Variants in FSHR observed in about 807,000 individuals in gnomAD.
The protein encoded by FSHR is follicle-stimulating hormone receptor.
FSHR carries 46 observed loss-of-function variants against 52.1 expected under a neutral mutation model. The ratio of observed to expected loss-of-function variants is 0.88; its 90% CI spans 0.70 to 1.13. FSHR has a LOEUF of 1.13. FSHR is among the 50% of genes most tolerant of loss of function. The pLI is 0.00. For synonymous variants in FSHR, 399 were observed against 309.6 expected (o/e 1.29, Z -3.03); for missense variants, 964 against 834.6 (o/e 1.16, Z -1.91).
intron 4 of FSHR, chr2:48,997,196 T>A: frequency 2.0e-6 from 2 of 981,588 alleles, no homozygotes; most frequent in Non-Finnish European, 2.4e-6. Context: ...GAGTCTCAGT[T>A]TCTCTCTGTA....
intron 2 of FSHR, among the ~76,000 whole-genome samples, chr2:49,020,818 C>CA (rs1013521615): frequency 1.1e-4 from 16 of 152,154 alleles, no homozygotes; most frequent in African/African-American, 3.9e-4. Flanking sequence ...TTGTTGGCCC[C>CA]ATTAATGTCT....
intron 1 of FSHR, among the ~76,000 whole-genome samples, chr2:49,101,793 G>A (rs1671036946): frequency 6.6e-6 from 1 of 152,128 alleles, no homozygotes; most frequent in Non-Finnish European, 1.5e-5. Context: ...ACATTTATGG[G>A]GTCTGAGAAG....
chr2:49,110,680 A>G (rs1285639774), intron 1 of FSHR, among the ~76,000 whole-genome samples: 1 of 151,994 alleles, frequency 6.6e-6, no homozygotes, highest in East Asian at 1.9e-4. Flanking sequence ...CTGTTAGTCA[A>G]TTTTTCACAA....
chr2:49,118,870 G>A (rs1372406518), intron 1 of FSHR, among the ~76,000 whole-genome samples: 1 of 152,204 alleles, frequency 6.6e-6, no homozygotes, highest in East Asian at 1.9e-4. Flanking sequence ...AACCCATAAA[G>A]AGCCAAAAAC....
At chr2:49,035,552 C>T (rs1668244387) in intron 2 of FSHR, among the ~76,000 whole-genome samples, 1 of 152,306 alleles carries the variant, frequency 6.6e-6, no homozygotes, top group African/African-American at 2.4e-5. Flanking sequence ...CCCTAAGTGG[C>T]ATTTAAGGCT....
intron 1 of FSHR, among the ~76,000 whole-genome samples, chr2:49,097,708 A>G (rs980984356): frequency 2.0e-5 from 3 of 152,210 alleles, no homozygotes; most frequent in Admixed American, 6.5e-5. Context: ...TGTGAGAGGT[A>G]CTGGTTTCTG....
rs1036854134 is a variant in FSHR at position 49,020,289 on chromosome 2, G to A, written c.225-129C>T. ...ACAAAACTCCTTTCCTGCCATTAAA[G>A]AAGTCAGCTGTAGTAATAAGGCAAA... On this transcript the variant is annotated intron_variant, in intron 2 of 9. Transcript: ENST00000406846. 3.1e-5 allele frequency: 25 copies of A among 802,528 alleles called. No individual in the cohort carries two copies. The Middle Eastern group carries it at 1.0e-3, about 34-fold the overall frequency. The allele number at this position is 802,528 out of a possible 1,614,324, so 49.7% of individuals were successfully genotyped here. A position where few individuals can be genotyped will look rare whatever the true frequency, so the allele number is the denominator to read the frequency against.
intron 1 of FSHR, among the ~76,000 whole-genome samples, chr2:49,092,833 T>G (rs1670662780): frequency 6.6e-6 from 1 of 151,960 alleles, no homozygotes; most frequent in Non-Finnish European, 1.5e-5. Context: ...GCGCAGCTAT[T>G]TTTTCTATTT....
At chr2:49,006,677 TCTCA>T (rs1417454451) in intron 4 of FSHR, among the ~76,000 whole-genome samples, 2 of 152,134 alleles carry the variant, frequency 1.3e-5, no homozygotes, top group East Asian at 1.9e-4. Context: ...GGGTCAGTCT[TCTCA>T]CTCAGGATCA....
chr2:49,134,222 G>GA (rs1270748798), intron 1 of FSHR, among the ~76,000 whole-genome samples: 3 of 151,970 alleles, frequency 2.0e-5, no homozygotes, highest in African/African-American at 4.8e-5. Context: ...AAATTTACAA[G>GA]AAAAAATCAA....
chr2:49,109,599 T>C (rs1348404137), intron 1 of FSHR, among the ~76,000 whole-genome samples: 1 of 152,104 alleles, frequency 6.6e-6, no homozygotes, highest in Non-Finnish European at 1.5e-5. Flanking sequence ...GGGCATCTCC[T>C]GTTTTAGCTA....
chr2:49,126,529 A>T (rs1672002769), intron 1 of FSHR, among the ~76,000 whole-genome samples: 1 of 152,196 alleles, frequency 6.6e-6, no homozygotes. Context: ...TGGGGGACAT[A>T]TTCAAGTAAT....
At chr2:48,992,838 A>G (rs1675847953) in intron 4 of FSHR, among the ~76,000 whole-genome samples, 1 of 152,006 alleles carries the variant, frequency 6.6e-6, no homozygotes, top group African/African-American at 2.4e-5. Flanking sequence ...CTCATATCCC[A>G]TCGATCTTCA....
intron 1 of FSHR, among the ~76,000 whole-genome samples, chr2:49,081,506 A>T (rs1399058268): frequency 2.0e-5 from 3 of 152,202 alleles, no homozygotes; most frequent in Non-Finnish European, 4.4e-5. Flanking sequence ...GCATATCCCA[A>T]GCATCATTTA....
chr2:48,975,108 G>A (rs1260928494), intron 8 of FSHR, among the ~76,000 whole-genome samples: 1 of 152,190 alleles, frequency 6.6e-6, no homozygotes, highest in Non-Finnish European at 1.5e-5. Flanking sequence ...TATTCAGATA[G>A]TTGGTAAAGC....
At chr2:49,069,704 G>T (rs1205931900) in intron 1 of FSHR, among the ~76,000 whole-genome samples, 1 of 152,056 alleles carries the variant, frequency 6.6e-6, no homozygotes, top group Non-Finnish European at 1.5e-5. Flanking sequence ...GTTTGAGGTT[G>T]AAGTTACAAG....
chr2:49,129,288 G>A (rs535939025), intron 1 of FSHR, among the ~76,000 whole-genome samples: 1 of 152,112 alleles, frequency 6.6e-6, no homozygotes, highest in East Asian at 1.9e-4. Context: ...TTGCCTCCCT[G>A]CCCTCACAGC....
chr2:49,050,883 C>T (rs563907102), intron 2 of FSHR, among the ~76,000 whole-genome samples: 1 of 152,152 alleles, frequency 6.6e-6, no homozygotes, highest in East Asian at 1.9e-4. Context: ...GTCTGCCTTC[C>T]CAGACAATCC....
intron 8 of FSHR, among the ~76,000 whole-genome samples, chr2:48,981,395 G>A (rs1214240664): frequency 3.3e-5 from 5 of 152,146 alleles, no homozygotes; most frequent in African/African-American, 1.2e-4. Flanking sequence ...ATTTATGTGT[G>A]TGTGTGTGTT....
Sources: allele counts gnomAD v4.1 joint callset (sites outside exome capture counted in the v4.1 genomes callset), GRCh38; gene constraint gnomAD v4.1.1; transcripts MANE v1.5; gene names NCBI Gene and HGNC (gene_info 2026-07-23, HGNC 2026-07-21).